Variants in OSBPL10 observed in about 807,000 individuals in gnomAD.
OSBPL10 encodes the protein oxysterol-binding protein-related protein 10.
OSBPL10 carries 49 observed loss-of-function variants against 81.7 expected under a neutral mutation model. The ratio of observed to expected loss-of-function variants is 0.60; its 90% CI spans 0.48 to 0.76. The LOEUF is 0.76. Among genes scored for constraint, OSBPL10 ranks in the 30% least tolerant of loss-of-function variants. The pLI, the probability that OSBPL10 is intolerant of heterozygous loss-of-function variation, is 0.00. For missense variants in OSBPL10, 923 were observed against 987.8 expected, an observed-to-expected ratio of 0.93 and a Z score of 0.88; for synonymous variants, 419 against 383.6, an observed-to-expected ratio of 1.09 and a Z score of -1.08.
At chr3:31,989,869 G>A in intron 2 of OSBPL10, 9 of 1,614,104 alleles carry the variant, frequency 5.6e-6, no homozygotes, top group Non-Finnish European at 7.6e-6. Flanking sequence ...TGATGTATGT[G>A]GCAAGGTCTT....
intron 4 of OSBPL10, among the ~76,000 whole-genome samples, chr3:31,772,058 G>C (rs532483242): frequency 6.6e-6 from 1 of 152,202 alleles, no homozygotes; most frequent in East Asian, 1.9e-4. Flanking sequence ...CACCAAATCA[G>C]TTACAGCTGA....
chr3:31,828,762 A>T (rs903277488), intron 4 of OSBPL10, among the ~76,000 whole-genome samples: 8 of 152,122 alleles, frequency 5.3e-5, no homozygotes, highest in Admixed American at 5.2e-4. Flanking sequence ...CGAACTCCTG[A>T]CCTCAAGTGA....
chr3:31,813,361 A>T (rs1243518004), intron 4 of OSBPL10, among the ~76,000 whole-genome samples: 1 of 152,188 alleles, frequency 6.6e-6, no homozygotes, highest in Non-Finnish European at 1.5e-5. Context: ...ACACAGCCCT[A>T]ATCCCTCAGA....
chr3:31,760,952 T>G (rs1463921376), intron 4 of OSBPL10, among the ~76,000 whole-genome samples: 1 of 152,074 alleles, frequency 6.6e-6, no homozygotes, highest in East Asian at 1.9e-4. Flanking sequence ...AAAATAAACT[T>G]CTAGAAGAGG....
rs182356386 is a variant in OSBPL10, at chr3:31,820,245, A to G, written c.729+9795T>C. Among the ~76,000 whole-genome samples the G allele has an allele frequency of 1.7e-3, 259 of 152,316 alleles. 1 individual carries two copies. In the Middle Eastern group the frequency reaches 0.031, roughly 18 times the overall value. On this transcript the variant is annotated intron_variant, in intron 4 of 11. Coordinates refer to ENST00000396556, the MANE Select transcript of OSBPL10 (RefSeq NM_017784.5). ...TATTATTCATGTAGTAATAGCTATT[A>G]TTATTAATAAAGTCATGCCCTTAAG... is the stretch of plus-strand genomic sequence containing the variant.
At position 31,664,226 on chromosome 3, in the gene OSBPL10, G is replaced by A. The variant is rs748073999; in HGVS notation, c.2103C>T (p.Leu701=). The change falls in exon 11 of 12, where the codon CTC becomes CTT. Residue 701 remains leucine (L), a synonymous_variant. Transcript: ENST00000396556. ...EKQGPMESRN[L]WREVTRYLRL... ...GCAGGTATCGGGTCACCTCCCGCCA[G>A]AGGTTCCTGGGGATGCGTGGAGGAG... The A allele has an allele frequency of 8.1e-6, 13 of 1,612,210 alleles. No individual in the cohort carries two copies. The African/African-American group carries it at 1.7e-4, about 22-fold the overall frequency.
At chr3:31,876,237 C>T (rs1458084513) in intron 3 of OSBPL10, among the ~76,000 whole-genome samples, 196 bp downstream of exon 3, 2 of 152,142 alleles carry the variant, frequency 1.3e-5, no homozygotes, top group Non-Finnish European at 2.9e-5. Flanking sequence ...TGCGTGCCTG[C>T]GTATTCTACC....
At chr3:31,734,866 T>C (rs1697102728) in intron 5 of OSBPL10, among the ~76,000 whole-genome samples, 2 of 152,192 alleles carry the variant, frequency 1.3e-5, no homozygotes, top group East Asian at 3.8e-4. Context: ...GAACTAAAAT[T>C]CAACATTTCA....
rs943455254 is a variant in OSBPL10 at position 31,991,960 on chromosome 3, A to G, written n.298+54531T>C. Among the ~76,000 whole-genome samples, 11 of 152,228 alleles carry G rather than the reference A, an allele frequency of 7.2e-5. No homozygotes were observed. The East Asian group carries it at 1.9e-3, about 27-fold the overall frequency. On this transcript the variant is annotated intron_variant and non_coding_transcript_variant, in intron 2 of 3. Coordinates refer to the OSBPL10 transcript ENST00000479173. The stretch of plus-strand genomic sequence containing the variant: ...TAGGAGTTTGAGACCAGCCTGGTCA[A>G]CATGGCAAAACCCCACCTCTACAAA...
chr3:32,053,554 C>T (rs1436741317), intron 1 of OSBPL10, among the ~76,000 whole-genome samples: 1 of 152,130 alleles, frequency 6.6e-6, no homozygotes, highest in Admixed American at 6.5e-5. Flanking sequence ...ACCTTATGGT[C>T]AGACATTAAA....
At chr3:31,748,704 G>A (rs1300925910) in intron 4 of OSBPL10, among the ~76,000 whole-genome samples, 3 of 150,398 alleles carry the variant, frequency 2.0e-5, no homozygotes, top group African/African-American at 7.3e-5. Context: ...AGAGATGTCA[G>A]GAAGAGAAAA....
intron 1 of OSBPL10, among the ~76,000 whole-genome samples, chr3:31,943,286 T>C (rs981601829): frequency 2.6e-5 from 4 of 152,254 alleles, no homozygotes; most frequent in African/African-American, 7.2e-5. Context: ...GTTTCCATTT[T>C]TGAATCTTGT....
At chr3:31,871,278 G>A (rs987680959) in intron 3 of OSBPL10, among the ~76,000 whole-genome samples, 4 of 151,830 alleles carry the variant, frequency 2.6e-5, no homozygotes, top group Admixed American at 6.6e-5. Flanking sequence ...TGAGCCCACC[G>A]GGAGGAAGGA....
At chr3:32,002,134 C>T (rs537665787) in intron 2 of OSBPL10, among the ~76,000 whole-genome samples, 2 of 152,268 alleles carry the variant, frequency 1.3e-5, no homozygotes, top group South Asian at 4.1e-4. Context: ...TAGGGGAAAA[C>T]ATTACTCACT....
chr3:31,794,829 C>A, intron 4 of OSBPL10: 1 of 354,884 alleles, frequency 2.8e-6, no homozygotes, highest in East Asian at 9.0e-5. Context: ...AGAAACTGAA[C>A]AGGAGTGGGG....
intron 4 of OSBPL10, among the ~76,000 whole-genome samples, chr3:31,820,463 C>T (rs1012682585): frequency 5.3e-5 from 8 of 151,690 alleles, no homozygotes; most frequent in Admixed American, 4.6e-4. Flanking sequence ...GGTGCCGTGA[C>T]GCATGCCTGT....
chr3:31,903,480 A>ACAC (rs1316225768), intron 1 of OSBPL10, among the ~76,000 whole-genome samples: 2 of 151,810 alleles, frequency 1.3e-5, no homozygotes, highest in Non-Finnish European at 2.9e-5. Flanking sequence ...AGGCCATACC[A>ACAC]CACCACCCAG....
At chr3:31,866,829 A>T (rs1226949886) in intron 3 of OSBPL10, among the ~76,000 whole-genome samples, 8 of 152,072 alleles carry the variant, frequency 5.3e-5, no homozygotes, top group Admixed American at 5.2e-4. Context: ...TTCTAAGGGG[A>T]TGGGGAAAAA....
rs759575102 is a variant in OSBPL10 at position 31,989,007 on chromosome 3, T to C, written n.298+57484A>G. On this transcript the variant is annotated intron_variant and non_coding_transcript_variant, in intron 2 of 3. Transcript: ENST00000479173. ...TGATAATTTGTTTCTCGGAAACAGA[T>C]AACTAATACAGAGCAGGAAGCAGAT... is the stretch of plus-strand genomic sequence containing the variant. 7 of 1,570,878 alleles carry C rather than the reference T, an allele frequency of 4.5e-6. No homozygotes were observed. In the East Asian group the frequency reaches 1.1e-4, roughly 25 times the overall value.
Sources: gnomAD v4.1 joint callset for allele counts (sites outside exome capture counted in the v4.1 genomes callset) on GRCh38, gnomAD v4.1.1 for gene constraint, MANE v1.5 for transcripts, NCBI Gene and HGNC (gene_info 2026-07-23, HGNC 2026-07-21) for gene names.